SDK1: variants seen among roughly 807,000 people sequenced by gnomAD.
The protein encoded by SDK1 is sidekick cell adhesion molecule 1.
A neutral mutation model predicts 245.5 loss-of-function variants in SDK1; 157 were observed. The observed-to-expected ratio is 0.64, with a 90% confidence interval of 0.56 to 0.73. SDK1 has a LOEUF of 0.73. Ranked by LOEUF, SDK1 falls within the 30% of genes least tolerant of loss-of-function variation. SDK1 has a pLI of 0.00. For synonymous variants in SDK1, 1,647 were observed against 1,278.5 expected, an observed-to-expected ratio of 1.29 and a Z score of -6.15; for missense variants, 3,583 against 3,002.3, an observed-to-expected ratio of 1.19 and a Z score of -4.52.
At chr7:3,365,023 G>A (rs538931242) in intron 1 of SDK1, among the ~76,000 whole-genome samples, 1 of 152,282 alleles carries the variant, frequency 6.6e-6, no homozygotes, top group Non-Finnish European at 1.5e-5. Flanking sequence ...TCTTTGGAGC[G>A]ATTGTAAGTA....
At chr7:3,951,997 T>C in intron 7 of SDK1, 77 bp downstream of exon 7, 6 of 1,362,276 alleles carry the variant, frequency 4.4e-6, no homozygotes, top group South Asian at 2.5e-5. Flanking sequence ...AGAAACAAAA[T>C]AGCGTATTTC....
intron 4 of SDK1, among the ~76,000 whole-genome samples, chr7:3,760,775 G>C (rs897902735): frequency 2.0e-5 from 3 of 152,198 alleles, no homozygotes; most frequent in African/African-American, 7.2e-5. Flanking sequence ...GCCTTTCTCA[G>C]TAGGCAATAT....
At chr7:3,631,341 C>T (rs1450222269) in intron 2 of SDK1, among the ~76,000 whole-genome samples, 2 of 152,130 alleles carry the variant, frequency 1.3e-5, no homozygotes, top group Non-Finnish European at 2.9e-5. Context: ...AGTTGGTTTC[C>T]TCATCACCCA....
chr7:3,428,533 T>C (rs1347630414), intron 1 of SDK1, among the ~76,000 whole-genome samples: 1 of 152,348 alleles, frequency 6.6e-6, no homozygotes, highest in South Asian at 2.1e-4. Flanking sequence ...CTCTTAATGC[T>C]TCTGTCAAAT....
intron 44 of SDK1, among the ~76,000 whole-genome samples, chr7:4,249,450 G>A (rs1269194638): frequency 1.3e-5 from 2 of 152,212 alleles, no homozygotes; most frequent in African/African-American, 2.4e-5. Context: ...GCACCTCATG[G>A]TTCCTAGTGC....
chr7:3,586,434 A>C (rs956853979), intron 1 of SDK1, among the ~76,000 whole-genome samples: 1 of 151,888 alleles, frequency 6.6e-6, no homozygotes, highest in Admixed American at 6.6e-5. Flanking sequence ...GCGGTGGCTC[A>C]CGCCTGTAAT....
chr7:3,328,937 A>G (rs1316848485), intron 1 of SDK1, among the ~76,000 whole-genome samples: 1 of 152,152 alleles, frequency 6.6e-6, no homozygotes, highest in Non-Finnish European at 1.5e-5. Context: ...CAAAAGGTAG[A>G]TTCCTAGCAT....
intron 25 of SDK1, among the ~76,000 whole-genome samples, chr7:4,115,134 C>T (rs1347106232): frequency 2.0e-5 from 3 of 152,158 alleles, no homozygotes; most frequent in East Asian, 1.9e-4. Flanking sequence ...CGGCAATTAA[C>T]GCTCATGAAG....
At chr7:3,990,905 C>T (rs1309546994) in intron 14 of SDK1, among the ~76,000 whole-genome samples, 3 of 152,242 alleles carry the variant, frequency 2.0e-5, no homozygotes, top group South Asian at 4.1e-4. Flanking sequence ...AGTTAGCTTG[C>T]CTCCATGAGA....
chr7:3,852,137 C>G (rs183616039), intron 5 of SDK1, among the ~76,000 whole-genome samples: 36 of 150,638 alleles, frequency 2.4e-4, no homozygotes, highest in African/African-American at 8.0e-4. Flanking sequence ...TTCTCAGCAC[C>G]TCGCGGATAA....
chr7:3,410,578 C>CTTTTTTTTTTTTTTTTT (rs776277920), intron 1 of SDK1, among the ~76,000 whole-genome samples: 1 of 82,058 alleles, frequency 1.2e-5, no homozygotes, highest in African/African-American at 5.3e-5. Context: ...GAAATGATAT[C>CTTTTTTTTTTTTTTTTT]TTTTTTTTTT....
chr7:4,238,696 G>A (rs543093833), intron 42 of SDK1, among the ~76,000 whole-genome samples: 5 of 151,802 alleles, frequency 3.3e-5, no homozygotes, highest in Admixed American at 6.6e-5. Context: ...TTACAGGCAT[G>A]CATCTCCACG....
chr7:3,498,259 C>G (rs1168386824), intron 1 of SDK1, among the ~76,000 whole-genome samples: 1 of 152,170 alleles, frequency 6.6e-6, no homozygotes, highest in African/African-American at 2.4e-5. Context: ...TACTCATAGA[C>G]ATAGATTTTA....
chr7:4,158,560 C>T lies in SDK1; in HGVS notation c.4729+9C>T. The T allele has an allele frequency of 1.2e-6, 2 of 1,603,968 alleles. No individual in the cohort carries two copies. Among genetic ancestry groups the T allele is most frequent in the Non-Finnish European group, 1.7e-6 (2 of 1,171,710 alleles). ...GACCACGCTGCAGGATGGTGAGCAA[C>T]CCGGGGCCCAGACCGCGTTCCTGGC... On this transcript the variant is annotated intron_variant, in intron 31 of 44. Coordinates refer to ENST00000404826, the MANE Select transcript of SDK1 (RefSeq NM_152744.4).
intron 5 of SDK1, among the ~76,000 whole-genome samples, chr7:3,944,741 A>G (rs955847087): frequency 6.6e-6 from 1 of 152,214 alleles, no homozygotes; most frequent in Non-Finnish European, 1.5e-5. Context: ...CAAAAGCAGT[A>G]AAAGAGGAAG....
chr7:3,857,811 G>A (rs1780583755), intron 5 of SDK1, among the ~76,000 whole-genome samples: 1 of 152,284 alleles, frequency 6.6e-6, no homozygotes, highest in Admixed American at 6.5e-5. Context: ...TCAGGAATAA[G>A]AGAAATTTAA....
chr7:4,213,002 A>G (rs1200235479), intron 38 of SDK1, among the ~76,000 whole-genome samples: 1 of 152,172 alleles, frequency 6.6e-6, no homozygotes, highest in African/African-American at 2.4e-5. Flanking sequence ...AAAGTGCTTC[A>G]TGGGCTGGGC....
intron 14 of SDK1, among the ~76,000 whole-genome samples, chr7:4,010,394 G>A (rs1357455309): frequency 6.6e-6 from 1 of 152,154 alleles, no homozygotes; most frequent in African/African-American, 2.4e-5. Flanking sequence ...AAGCTGGGTG[G>A]GAAGATATTC....
intron 1 of SDK1, among the ~76,000 whole-genome samples, chr7:3,557,748 ATC>A: frequency 6.6e-6 from 1 of 152,168 alleles, no homozygotes; most frequent in Non-Finnish European, 1.5e-5. Flanking sequence ...ATCTGTTATT[ATC>A]TCAGTTAAAT....
Sources: gnomAD v4.1 joint callset for allele counts (sites outside exome capture counted in the v4.1 genomes callset) on GRCh38, gnomAD v4.1.1 for gene constraint, MANE v1.5 for transcripts, NCBI Gene and HGNC (gene_info 2026-07-23, HGNC 2026-07-21) for gene names.